ARID3B: variants seen among roughly 807,000 people sequenced by gnomAD.
The protein encoded by ARID3B is AT-rich interactive domain-containing protein 3B.
In ARID3B, 10 loss-of-function variants were observed where a neutral mutation model predicts 51.9. The observed-to-expected ratio is 0.19, with a 90% CI of 0.12 to 0.33. The LOEUF (loss-of-function observed/expected upper bound fraction) is 0.33. ARID3B is among the 10% of genes least tolerant of loss of function. The probability of loss-of-function intolerance (pLI) is 1.00; values close to 1 mark genes in which losing one functional copy is unlikely to be tolerated. For missense variants in ARID3B, 483 were observed against 716.3 expected (o/e 0.67, Z 3.72); for synonymous variants, 205 against 279.5 (o/e 0.73, Z 2.66).
At chr15:74,570,430 C>T (rs923837394) in intron 2 of ARID3B, among the ~76,000 whole-genome samples, 2 of 117,006 alleles carry the variant, frequency 1.7e-5, no homozygotes, top group South Asian at 2.7e-4. Flanking sequence ...TTTGAGTGAG[C>T]ATTCAGAGTG....
chr15:74,544,597 C>A (rs1046235270), intron 2 of ARID3B, 109 bp downstream of exon 2: 1 of 1,083,164 alleles, frequency 9.2e-7, no homozygotes, highest in Non-Finnish European at 1.3e-6. Flanking sequence ...CACCCCACTT[C>A]GGTGACCAAC....
Position 74,591,509 on chromosome 15 carries a change from T to C in ARID3B, c.1166-51T>C. 6.3e-7 allele frequency: 1 copy of C among 1,594,668 alleles called. No homozygotes were observed. Among genetic ancestry groups the C allele is most frequent in the Non-Finnish European group, 8.6e-7 (1 of 1,166,224 alleles). On this transcript the variant is annotated intron_variant, in intron 6 of 8. Coordinates refer to ENST00000346246, the MANE Select transcript of ARID3B (RefSeq NM_006465.4). This position sits in a 1 kb window ranked among gnomAD's most constrained non-coding sequence, Gnocchi z 5.8. ...GTTCCCTGTGTTCAAGACTGGGGTT[T>C]TGGGGCAAGAGGGTCAATTGTGGAT...
chr15:74,592,174 T>C (rs529535767), intron 7 of ARID3B, among the ~76,000 whole-genome samples: 6 of 152,298 alleles, frequency 3.9e-5, no homozygotes, highest in African/African-American at 1.4e-4. Flanking sequence ...CGTCTGCAGG[T>C]CTGGGAGGAA....
At chr15:74,546,189 A>C (rs1029407745) in intron 2 of ARID3B, among the ~76,000 whole-genome samples, 3 of 152,256 alleles carry the variant, frequency 2.0e-5, no homozygotes, top group Non-Finnish European at 4.4e-5. Context: ...CCTGGCCGCC[A>C]GCCCAGACCC....
chr15:74,589,204 T>G (rs11630718), intron 4 of ARID3B, among the ~76,000 whole-genome samples: 247 of 151,880 alleles, frequency 1.6e-3, no homozygotes, highest in South Asian at 5.6e-3. Context: ...ATTTTTTTTG[T>G]ATTTTTAGTA....
chr15:74,560,031 T>TAAAAAA (rs71137394), intron 2 of ARID3B, among the ~76,000 whole-genome samples: 4 of 35,628 alleles, frequency 1.1e-4, no homozygotes, highest in South Asian at 1.7e-3. Context: ...CTGTCTCTAC[T>TAAAAAA]AAAAAAAAAA....
chr15:74,587,995 C>A (rs1330849062), intron 4 of ARID3B, among the ~76,000 whole-genome samples: 1 of 152,080 alleles, frequency 6.6e-6, no homozygotes, highest in African/African-American at 2.4e-5. Flanking sequence ...AGTCCATGTG[C>A]TTTGGGAGGC....
intron 4 of ARID3B, among the ~76,000 whole-genome samples, chr15:74,586,177 C>T (rs2061781008): frequency 6.6e-6 from 1 of 152,218 alleles, no homozygotes. Context: ...CAGCAGGGTG[C>T]AGGGGCCACC....
chr15:74,562,356 G>A (rs1236437605), intron 2 of ARID3B, among the ~76,000 whole-genome samples: 2 of 152,264 alleles, frequency 1.3e-5, no homozygotes, highest in Admixed American at 1.3e-4. Context: ...GGCCAGGCTA[G>A]TCTCGAACTC....
At chr15:74,544,942 G>A (rs1327011392) in intron 2 of ARID3B, among the ~76,000 whole-genome samples, 1 of 151,936 alleles carries the variant, frequency 6.6e-6, no homozygotes, top group Non-Finnish European at 1.5e-5. Flanking sequence ...TGCCTGCCTC[G>A]GCCTCCCAAA....
At chr15:74,593,715 C>T (rs111714261) in intron 8 of ARID3B, among the ~76,000 whole-genome samples, 3 of 152,272 alleles carry the variant, frequency 2.0e-5, no homozygotes, top group South Asian at 2.1e-4. Context: ...TGGTTGATTT[C>T]GCACCTTTAC....
intron 4 of ARID3B, among the ~76,000 whole-genome samples, chr15:74,583,394 A>G (rs963631697): frequency 6.6e-6 from 1 of 152,100 alleles, no homozygotes; most frequent in Non-Finnish European, 1.5e-5. Context: ...GGAAAGAGGC[A>G]TGAGAGAGTT....
intron 2 of ARID3B, among the ~76,000 whole-genome samples, chr15:74,564,681 G>A (rs906770729): frequency 4.6e-5 from 7 of 152,020 alleles, no homozygotes; most frequent in African/African-American, 1.7e-4. Context: ...ACTCATTGCA[G>A]CCTCCATCTT....
At chr15:74,595,082 G>A (rs1282704239) in intron 8 of ARID3B, among the ~76,000 whole-genome samples, 1 of 152,198 alleles carries the variant, frequency 6.6e-6, no homozygotes, top group Non-Finnish European at 1.5e-5. Flanking sequence ...ACCTGGCTCT[G>A]TCACCCAGGC....
At chr15:74,588,251 G>T (rs1001142803) in intron 4 of ARID3B, among the ~76,000 whole-genome samples, 2 of 147,088 alleles carry the variant, frequency 1.4e-5, no homozygotes, top group African/African-American at 5.2e-5. Context: ...AAAAAAAAAA[G>T]AAGAAGAAGA....
chr15:74,548,192 C>T (rs1043563464), intron 2 of ARID3B, among the ~76,000 whole-genome samples: 2 of 152,204 alleles, frequency 1.3e-5, no homozygotes, highest in African/African-American at 4.8e-5. Context: ...GGAGATCATA[C>T]AGCCAACTAG....
intron 2 of ARID3B, among the ~76,000 whole-genome samples, chr15:74,558,260 C>T (rs1012862528): frequency 7.0e-6 from 1 of 142,884 alleles, no homozygotes; most frequent in Non-Finnish European, 1.5e-5. Flanking sequence ...CATTCAGTCT[C>T]CTGTGCGTCT....
Position 74,596,282 on chromosome 15 carries a change from C to T in ARID3B, c.*508C>T. 4.3e-6 allele frequency: 1 copy of T among 234,574 alleles called. No individual in the cohort carries two copies. Among genetic ancestry groups the T allele is most frequent in the Non-Finnish European group, 8.4e-6 (1 of 118,660 alleles). The allele number at this position is 234,574 out of a possible 1,614,324, so 14.5% of individuals were successfully genotyped here. A position where few individuals can be genotyped will look rare whatever the true frequency, so the allele number is the denominator to read the frequency against. ...TGCAGAGCATGGGATGGGGCCCTTC[C>T]AGCCCACTTTGCCTACTGTTAGGTT... On this transcript the variant is annotated 3_prime_UTR_variant, in exon 9 of 9. Transcript: ENST00000346246.
intron 1 of ARID3B, 91 bp from the exon 2 acceptor site, chr15:74,543,769 C>T (rs979322485): frequency 3.8e-6 from 3 of 780,896 alleles, no homozygotes; most frequent in African/African-American, 1.7e-5. Context: ...GAACTCATGG[C>T]CCTCTACTGG....
Sources: allele counts gnomAD v4.1 joint callset (sites outside exome capture counted in the v4.1 genomes callset), GRCh38; gene constraint gnomAD v4.1.1; non-coding constraint Gnocchi (gnomAD v3.1); transcripts MANE v1.5; gene names NCBI Gene and HGNC (gene_info 2026-07-23, HGNC 2026-07-21).